The following ARHGEF16 variants were observed in gnomAD, a reference collection of about 807,000 sequenced individuals.
ARHGEF16 encodes Rho guanine exchange factor (GEF) 16.
Under a neutral mutation model 74.1 loss-of-function variants are expected in ARHGEF16, and 59 were observed. That is an observed-to-expected ratio of 0.80 (90% confidence interval 0.65 to 0.99). The LOEUF is 0.99. Ranked by LOEUF, ARHGEF16 falls within the 50% of genes least tolerant of loss-of-function variation. ARHGEF16 has a pLI of 0.00. For missense variants in ARHGEF16, 948 were observed against 986.6 expected (o/e 0.96, Z 0.52); for synonymous variants, 415 against 412.6 (o/e 1.01, Z -0.07).
Position 3,479,517 on chromosome 1 carries a change from G to C in ARHGEF16, c.1815G>C (p.Ala605=). The C allele has an allele frequency of 6.2e-7, 1 of 1,612,544 alleles. No individual in the cohort carries two copies. Among genetic ancestry groups the C allele is most frequent in the East Asian group, 2.2e-5 (1 of 44,862 alleles). The change falls in exon 13 of 15, where the codon GCG becomes GCC. Residue 605 remains alanine, a splice_region_variant and synonymous_variant. Coordinates refer to ENST00000378378, the MANE Select transcript of ARHGEF16 (RefSeq NM_014448.4). The part of the protein sequence containing the change: ...QEQLLLSSDS[A]SDRARWIVAL... ...GGCTCATGCTGTCTCTGGTCCCCAGGAGTGACCGGGCACGGTGGATCGTGG... is the reference window on the plus strand; with the variant it reads ...GGCTCATGCTGTCTCTGGTCCCCAGCAGTGACCGGGCACGGTGGATCGTGG...
At chr1:3,472,596 T>C (rs1335386589) in intron 6 of ARHGEF16, among the ~76,000 whole-genome samples, 2 of 152,182 alleles carry the variant, frequency 1.3e-5, no homozygotes, top group Non-Finnish European at 2.9e-5. Flanking sequence ...CCCTCTTTGC[T>C]CTTGTGCCTG....
In ARHGEF16 at chr1:3,480,470, C is replaced by A; in HGVS notation, c.2013C>A (p.Leu671=). Reference sequence around the variant, plus strand: ...CAGGGTGGCTCTATGGCGAGAGGCTCCGGGACGGAGAGACGGGATGGTTCC... The same window carrying A: ...CAGGGTGGCTCTATGGCGAGAGGCTACGGGACGGAGAGACGGGATGGTTCC... The part of the protein sequence containing the change: ...QEDGWLYGER[L]RDGETGWFPE... Residue 671 remains leucine, a synonymous_variant, in exon 15 of 15, where the codon CTC becomes CTA. Coordinates refer to ENST00000378378, the MANE Select transcript of ARHGEF16 (RefSeq NM_014448.4). 1 of 1,612,640 alleles carries A rather than the reference C, an allele frequency of 6.2e-7. No individual in the cohort carries two copies. The highest frequency in any genetic ancestry group is 1.1e-5 in the South Asian group (1 of 91,082).
chr1:3,466,555 G>A (rs78734008), intron 3 of ARHGEF16, among the ~76,000 whole-genome samples: 90 of 152,318 alleles, frequency 5.9e-4, no homozygotes, highest in African/African-American at 2.1e-3. Flanking sequence ...GGCTCTGCCC[G>A]GACTCTTCGA....
intron 1 of ARHGEF16, among the ~76,000 whole-genome samples, chr1:3,460,208 C>A (rs530547799): frequency 6.6e-6 from 1 of 152,322 alleles, no homozygotes; most frequent in East Asian, 1.9e-4. Context: ...TCACACCCAG[C>A]AATGGCTCAG....
rs537600642 is a variant in ARHGEF16 at position 3,478,253 on chromosome 1, G to T, written c.1626-171G>T. 366 of 925,288 alleles carry T rather than the reference G, an allele frequency of 4.0e-4. No individual in the cohort carries two copies. In the African/African-American group the frequency reaches 4.9e-3, roughly 12 times the overall value. The allele number at this position is 925,288 out of a possible 1,614,324, so 57.3% of individuals were successfully genotyped here. On this transcript the variant is annotated intron_variant, in intron 11 of 14. Coordinates refer to ENST00000378378, the MANE Select transcript of ARHGEF16 (RefSeq NM_014448.4). ...TGGGTCTGCCGGTGATAGCCACGAGGAGGACTCGAAAGCCATGGCCTCTGT... is the reference window on the plus strand; with the variant it reads ...TGGGTCTGCCGGTGATAGCCACGAGTAGGACTCGAAAGCCATGGCCTCTGT...
chr1:3,463,157 C>T lies in ARHGEF16; in HGVS notation c.73C>T (p.Leu25Phe). The T allele has an allele frequency of 6.6e-7, 1 of 1,507,576 alleles. No homozygotes were observed. The allele number at this position is 1,507,576 out of a possible 1,614,324, so 93.4% of individuals were successfully genotyped here. A position where few individuals can be genotyped will look rare whatever the true frequency, so the allele number is the denominator to read the frequency against. Residue 25 changes from leucine to phenylalanine, a missense_variant, in exon 2 of 15, where the codon CTC (leucine) becomes TTC (phenylalanine). Physicochemically the swap from Leu to Phe is conservative, Grantham distance 22. Transcript: ENST00000378378. ...LGHRFHSELR[L>F]DAGGNPASGL... ...ACACCGCTTCCACTCGGAGCTCCGG[C>T]TCGATGCCGGGGGGAACCCAGCCTC...
intron 10 of ARHGEF16, among the ~76,000 whole-genome samples, chr1:3,476,283 A>C (rs1275583990): frequency 1.3e-5 from 2 of 151,820 alleles, no homozygotes; most frequent in Non-Finnish European, 2.9e-5. Context: ...CCCTAATCCC[A>C]CTGGGTGGGC....
At chr1:3,473,582 C>T in intron 8 of ARHGEF16, 60 bp downstream of exon 8, 1 of 1,597,944 alleles carries the variant, frequency 6.3e-7, no homozygotes, top group African/African-American at 1.3e-5. Flanking sequence ...ACGGCCAGAG[C>T]CCTGCCCCGG....
Position 3,479,862 on chromosome 1 carries a change from G to T in ARHGEF16, c.1939G>T (p.Glu647Ter), listed in dbSNP as rs774194896. 6.2e-7 allele frequency: 1 copy of T among 1,612,406 alleles called. No individual in the cohort carries two copies. The highest frequency in any genetic ancestry group is 1.1e-5 in the South Asian group (1 of 91,072). The change falls in exon 14 of 15, where the codon GAG (glutamate) becomes TAG (stop). Residue 647 changes from glutamate (E) to a stop codon, truncating the protein, a stop_gained. Coordinates refer to ENST00000378378, the MANE Select transcript of ARHGEF16 (RefSeq NM_014448.4). LOFTEE classifies it high-confidence loss of function. The part of the protein sequence containing the change: ...TKAFFAKQAD[E>*]VTLQQADVVL... ...GGCCTTCTTCGCGAAGCAAGCAGACGAGGTCACACTGCAGCAGGCGGACGT... is the reference window on the plus strand; with the variant it reads ...GGCCTTCTTCGCGAAGCAAGCAGACTAGGTCACACTGCAGCAGGCGGACGT...
chr1:3,457,485 C>T (rs866207344), intron 1 of ARHGEF16, among the ~76,000 whole-genome samples: 2 of 152,224 alleles, frequency 1.3e-5, no homozygotes, highest in Non-Finnish European at 2.9e-5. Context: ...GCCCAAGGCG[C>T]TGGCTGGGAG....
At chr1:3,474,337 C>T (rs115295918) in intron 8 of ARHGEF16, 11,368 of 285,568 alleles carry the variant, frequency 0.04, 313 homozygotes, top group Non-Finnish European at 0.055. Context: ...CCTGAGGCTA[C>T]ACATGGCAGG....
Position 3,473,121 on chromosome 1 carries a change from G to T in ARHGEF16, c.1066G>T (p.Val356Phe). 1 of 1,613,476 alleles carries T rather than the reference G, an allele frequency of 6.2e-7. No individual in the cohort carries two copies. Among genetic ancestry groups the T allele is most frequent in the Non-Finnish European group, 8.5e-7 (1 of 1,179,998 alleles). Reference sequence around the variant, plus strand: ...GCAGCGGCACAAGGCCCAGGTGCTGGTCGAGGACATCAGTGACATCCTGGA... The same window carrying T: ...GCAGCGGCACAAGGCCCAGGTGCTGTTCGAGGACATCAGTGACATCCTGGA... ...LEQRHKAQVLVEDISDILEEH... is the reference protein window; with the variant it reads ...LEQRHKAQVLFEDISDILEEH... Residue 356 changes from valine (V) to phenylalanine (F), a missense_variant, in exon 7 of 15, where the codon GTC becomes TTC. Coordinates refer to ENST00000378378, the MANE Select transcript of ARHGEF16 (RefSeq NM_014448.4).
chr1:3,464,811 T>G (rs1212854175), intron 2 of ARHGEF16, among the ~76,000 whole-genome samples: 1 of 152,188 alleles, frequency 6.6e-6, no homozygotes, highest in Non-Finnish European at 1.5e-5. Context: ...CCAGAGCGTC[T>G]TCTTCACTGG....
chr1:3,467,724 A>G (rs969785294), intron 4 of ARHGEF16, among the ~76,000 whole-genome samples: 1 of 151,924 alleles, frequency 6.6e-6, no homozygotes, highest in Non-Finnish European at 1.5e-5. Context: ...GGGCCAAGAC[A>G]CTCCTTCACT....
intron 7 of ARHGEF16, 23 bp downstream of exon 7, chr1:3,473,253 C>G (rs780095080): frequency 1.2e-6 from 2 of 1,609,934 alleles, no homozygotes; most frequent in African/African-American, 2.7e-5. Context: ...CCCCGAGGCC[C>G]GCAGGGTGGC....
chr1:3,478,059 C>T (rs1340871763), intron 11 of ARHGEF16, 33 bp downstream of exon 11: 11 of 1,612,048 alleles, frequency 6.8e-6, no homozygotes, highest in East Asian at 2.2e-5. Flanking sequence ...TGGGGAGCCC[C>T]ACTCCATGGA....
Position 3,476,182 on chromosome 1 carries a change from G to A in ARHGEF16, c.1473+120G>A, listed in dbSNP as rs1639868773. Reference sequence around the variant, plus strand: ...CTGGAGAGTGGGTGCCTGCCCTCATGAGGCCTGGGGGCTGGGCCTCCTAGG... The same window carrying A: ...CTGGAGAGTGGGTGCCTGCCCTCATAAGGCCTGGGGGCTGGGCCTCCTAGG... On this transcript the variant is annotated intron_variant, in intron 10 of 14. Transcript: ENST00000378378. 10 of 1,057,414 alleles carry A rather than the reference G, an allele frequency of 9.5e-6. No individual in the cohort carries two copies. In the South Asian group the frequency reaches 1.7e-4, roughly 18 times the overall value. 65.5% of individuals were successfully genotyped at this position (1,057,414 alleles called of 1,614,324 possible). A position where few individuals can be genotyped will look rare whatever the true frequency, so the allele number is the denominator to read the frequency against.
At chr1:3,466,731 C>T (rs939335429) in intron 3 of ARHGEF16, among the ~76,000 whole-genome samples, 4 of 152,160 alleles carry the variant, frequency 2.6e-5, no homozygotes, top group African/African-American at 9.6e-5. Context: ...GGCAATGAAG[C>T]CCGGGGAGGG....
At chr1:3,468,725 G>A (rs1001592600) in intron 4 of ARHGEF16, 155 bp from the exon 5 acceptor site, 26 of 770,532 alleles carry the variant, frequency 3.4e-5, no homozygotes, top group Non-Finnish European at 4.6e-5. Context: ...ATAGGCCCTC[G>A]GCAGGACAGG....
Sources: gnomAD v4.1 joint callset for allele counts (sites outside exome capture counted in the v4.1 genomes callset) on GRCh38, gnomAD v4.1.1 for gene constraint, MANE v1.5 for transcripts, NCBI Gene and HGNC (gene_info 2026-07-23, HGNC 2026-07-21) for gene names.